PTPRD: variants seen among roughly 807,000 people sequenced by gnomAD.
PTPRD encodes protein tyrosine phosphatase receptor type D.
In PTPRD, 34 loss-of-function variants were observed where a neutral mutation model predicts 214.5. The observed-to-expected ratio is 0.16, with a 90% CI of 0.12 to 0.21. PTPRD has a LOEUF of 0.21. Among genes scored for constraint, PTPRD ranks in the 10% least tolerant of loss-of-function variants. The pLI, the probability that PTPRD is intolerant of heterozygous loss-of-function variation, is 1.00. For synonymous variants in PTPRD, 1,128 were observed against 845.7 expected (o/e 1.33, Z -5.79); for missense variants, 2,545 against 2,398.7 (o/e 1.06, Z -1.27).
chr9:9,747,194 A>T (rs2098466590), intron 6 of PTPRD, among the ~76,000 whole-genome samples: 1 of 152,196 alleles, frequency 6.6e-6, no homozygotes, highest in African/African-American at 2.4e-5. Flanking sequence ...AGCCACTGAC[A>T]GAGGTATTGG....
intron 3 of PTPRD, among the ~76,000 whole-genome samples, chr9:10,221,929 A>T (rs1046817317): frequency 6.6e-6 from 1 of 152,008 alleles, no homozygotes. Flanking sequence ...ACTTGAAACA[A>T]ATCTTATAAC....
At chr9:9,435,508 C>A (rs1318688331) in intron 8 of PTPRD, among the ~76,000 whole-genome samples, 3 of 152,050 alleles carry the variant, frequency 2.0e-5, no homozygotes, top group African/African-American at 7.2e-5. Flanking sequence ...AGAGCAAGAC[C>A]CTGCCTTTTT....
chr9:8,935,411 G>A (rs544523951), intron 11 of PTPRD, among the ~76,000 whole-genome samples: 5 of 50,566 alleles, frequency 9.9e-5, no homozygotes, highest in Non-Finnish European at 1.8e-4. Flanking sequence ...CCAGTGAATC[G>A]AAAGATCTGT....
intron 35 of PTPRD, among the ~76,000 whole-genome samples, chr9:8,432,894 T>C (rs1456957916): frequency 6.6e-6 from 1 of 152,204 alleles, no homozygotes; most frequent in African/African-American, 2.4e-5. Context: ...CTAAGCCTAC[T>C]GGGGAAGCTG....
At chr9:10,554,449 T>C (rs1343952555) in intron 2 of PTPRD, among the ~76,000 whole-genome samples, 3 of 152,184 alleles carry the variant, frequency 2.0e-5, no homozygotes, top group African/African-American at 7.2e-5. Context: ...GTAATTACTC[T>C]CTTCCCTTAT....
At chr9:8,676,798 T>G (rs2097429553) in intron 12 of PTPRD, among the ~76,000 whole-genome samples, 1 of 152,170 alleles carries the variant, frequency 6.6e-6, no homozygotes, top group Non-Finnish European at 1.5e-5. Flanking sequence ...GGTCTCGAAC[T>G]CCTGACCTCA....
At chr9:9,220,216 C>G (rs1433893044) in intron 9 of PTPRD, among the ~76,000 whole-genome samples, 1 of 151,612 alleles carries the variant, frequency 6.6e-6, no homozygotes, top group East Asian at 1.9e-4. Context: ...TGGACACATT[C>G]AAATAATTAT....
At chr9:10,359,266 A>G (rs1415419977) in intron 2 of PTPRD, among the ~76,000 whole-genome samples, 1 of 151,976 alleles carries the variant, frequency 6.6e-6, no homozygotes, top group East Asian at 1.9e-4. Flanking sequence ...TGTGCATTTA[A>G]TTTTTTTAAG....
chr9:8,790,158 A>C (rs554959153), intron 11 of PTPRD, among the ~76,000 whole-genome samples: 35 of 152,098 alleles, frequency 2.3e-4, no homozygotes, highest in African/African-American at 8.2e-4. Context: ...CTGGGACTAC[A>C]GGCACGCATC....
In PTPRD at chr9:10,160,251, T is replaced by C. The variant is rs1323377287; in HGVS notation, c.-544-126461A>G. On this transcript the variant is annotated intron_variant, in intron 3 of 45. Transcript: ENST00000381196. ...GGTATACACCAATAAATTGGAAAAC[T>C]TATTGAATACATTCCTGGGCACATA... is the stretch of plus-strand genomic sequence containing the variant. Among the ~76,000 whole-genome samples the C allele has an allele frequency of 3.9e-5, 6 of 152,164 alleles. No homozygotes were observed. In the South Asian group the frequency reaches 6.2e-4, roughly 16 times the overall value.
intron 7 of PTPRD, among the ~76,000 whole-genome samples, chr9:9,664,088 TAAAAAAA>T (rs71319290): frequency 8.7e-6 from 1 of 114,536 alleles, no homozygotes. Flanking sequence ...CACTCCTGTG[TAAAAAAA>T]AAAAAAAAAA....
At chr9:8,618,914 GTTT>G (rs554282961) in intron 14 of PTPRD, among the ~76,000 whole-genome samples, 2,455 of 67,870 alleles carry the variant, frequency 0.036, 113 homozygotes, top group African/African-American at 0.11. Context: ...GTGTTTTTTT[GTTT>G]TTTTTTTTTT....
chr9:9,949,988 C>G (rs899724077), intron 4 of PTPRD, among the ~76,000 whole-genome samples: 5 of 152,116 alleles, frequency 3.3e-5, no homozygotes, highest in Non-Finnish European at 7.4e-5. Flanking sequence ...TTTCTGCAAC[C>G]AAGCTATTTC....
At position 9,502,668 on chromosome 9, in the gene PTPRD, C is replaced by T. The variant is rs2096457317; in HGVS notation, c.-237+72064G>A. Among the ~76,000 whole-genome samples the T allele has an allele frequency of 2.0e-5, 3 of 151,722 alleles. No homozygotes were observed. The South Asian group carries it at 6.2e-4, about 31-fold the overall frequency. On this transcript the variant is annotated intron_variant, in intron 8 of 45. Coordinates refer to ENST00000381196, the MANE Select transcript of PTPRD (RefSeq NM_002839.4). Reference sequence around the variant, plus strand: ...ATAGCAGCTTTATTCATAATAGCCCCAAACTGTAAACAACCCAGATTTTCA... The same window carrying T: ...ATAGCAGCTTTATTCATAATAGCCCTAAACTGTAAACAACCCAGATTTTCA...
intron 30 of PTPRD, among the ~76,000 whole-genome samples, chr9:8,473,553 A>G (rs2096702025): frequency 6.6e-6 from 1 of 152,128 alleles, no homozygotes; most frequent in African/African-American, 2.4e-5. Context: ...CGCTACACAT[A>G]AAGCAATGAT....
chr9:10,573,645 T>C (rs1277292284), intron 2 of PTPRD, among the ~76,000 whole-genome samples: 4 of 152,112 alleles, frequency 2.6e-5, no homozygotes, highest in Non-Finnish European at 5.9e-5. Flanking sequence ...GGGAGGAAGC[T>C]GGGAATCCTG....
At chr9:9,030,272 T>C (rs1426866494) in intron 10 of PTPRD, among the ~76,000 whole-genome samples, 3 of 132,470 alleles carry the variant, frequency 2.3e-5, no homozygotes, top group African/African-American at 8.3e-5. Context: ...GGGCCACACT[T>C]GGGCTTTTTT....
At chr9:8,801,830 A>C (rs189931895) in intron 11 of PTPRD, among the ~76,000 whole-genome samples, 1 of 152,328 alleles carries the variant, frequency 6.6e-6, no homozygotes, top group Admixed American at 6.5e-5. Flanking sequence ...ACCTCTGTTT[A>C]GTCTCAATAT....
chr9:9,947,213 G>C (rs894022361), intron 4 of PTPRD, among the ~76,000 whole-genome samples: 2 of 141,540 alleles, frequency 1.4e-5, no homozygotes, highest in Admixed American at 7.9e-5. Flanking sequence ...TTAGTTTTCA[G>C]TAAGGTACTT....
Sources: allele counts gnomAD v4.1 joint callset (sites outside exome capture counted in the v4.1 genomes callset), GRCh38; gene constraint gnomAD v4.1.1; transcripts MANE v1.5; gene names NCBI Gene and HGNC (gene_info 2026-07-23, HGNC 2026-07-21).